Variants in NAA40 observed in about 807,000 individuals in gnomAD.
NAA40 encodes N-alpha-acetyltransferase 40, NatD catalytic subunit.
NAA40 carries 26 observed loss-of-function variants against 36.6 expected under a neutral mutation model. That is an observed-to-expected ratio of 0.71 (90% CI 0.52 to 0.98). The LOEUF is 0.98. Among genes scored for constraint, NAA40 ranks in the 50% least tolerant of loss-of-function variants. The pLI, the probability that NAA40 is intolerant of heterozygous loss-of-function variation, is 0.00. For missense variants in NAA40, 237 were observed against 306.5 expected (o/e 0.77, Z 1.69); for synonymous variants, 129 against 108.4 (o/e 1.19, Z -1.18).
At chr11:63,939,160 C>T in intron 1 of NAA40, 58 bp downstream of exon 1, 1 of 1,543,428 alleles carries the variant, frequency 6.5e-7, no homozygotes, top group African/African-American at 1.4e-5. Flanking sequence ...CTACCCTCGC[C>T]CCCTTTGTTC....
At chr11:63,953,333 C>T (rs1466960821) in intron 6 of NAA40, among the ~76,000 whole-genome samples, 1 of 152,160 alleles carries the variant, frequency 6.6e-6, no homozygotes, top group Non-Finnish European at 1.5e-5. Flanking sequence ...GCATGAGCCA[C>T]CACACCTGGC....
chr11:63,940,918 C>T (rs1942098552), intron 1 of NAA40, among the ~76,000 whole-genome samples: 1 of 152,148 alleles, frequency 6.6e-6, no homozygotes, highest in African/African-American at 2.4e-5. Flanking sequence ...CTAAATGAAA[C>T]CTGTGTCCCT....
intron 4 of NAA40, 34 bp downstream of exon 4, chr11:63,952,367 TC>T (rs756257961): frequency 6.2e-7 from 1 of 1,613,222 alleles, no homozygotes; most frequent in Non-Finnish European, 8.5e-7. Context: ...GCCTAGTTCC[TC>T]TCGCAGCTTT....
chr11:63,941,819 G>A (rs1942113579), intron 1 of NAA40, among the ~76,000 whole-genome samples: 1 of 152,108 alleles, frequency 6.6e-6, no homozygotes. Context: ...CTCCCAAAGT[G>A]CTGGGGTTAT....
intron 2 of NAA40, chr11:63,946,205 A>T: frequency 2.4e-6 from 1 of 420,926 alleles, no homozygotes; most frequent in Non-Finnish European, 4.3e-6. Flanking sequence ...GATCTAGATA[A>T]TTTTTTTTTC....
chr11:63,954,212 C>T, intron 7 of NAA40, 126 bp from the exon 8 acceptor site: 1 of 1,397,486 alleles, frequency 7.2e-7, no homozygotes. Context: ...TGATTTGGTC[C>T]ACTGTCCACC....
intron 3 of NAA40, among the ~76,000 whole-genome samples, chr11:63,948,501 G>A (rs375404112): frequency 2.8e-4 from 42 of 151,004 alleles, no homozygotes; most frequent in East Asian, 2.4e-3. Context: ...GGCGGATCAC[G>A]AGGTCAGGAG....
chr11:63,953,302 C>T (rs1248365946), intron 6 of NAA40, among the ~76,000 whole-genome samples: 2 of 152,188 alleles, frequency 1.3e-5, no homozygotes, highest in Non-Finnish European at 2.9e-5. Flanking sequence ...ACCTCAGCCT[C>T]CCAAAGTGCT....
At chr11:63,954,143 C>T in intron 7 of NAA40, 94 bp downstream of exon 7, 4 of 1,437,636 alleles carry the variant, frequency 2.8e-6, no homozygotes, top group Non-Finnish European at 2.9e-6. Context: ...GATGCCTGAG[C>T]TCATGGTCCA....
intron 3 of NAA40, among the ~76,000 whole-genome samples, chr11:63,947,422 C>A (rs1942205904): frequency 6.6e-6 from 1 of 151,874 alleles, no homozygotes; most frequent in Admixed American, 6.6e-5. Context: ...CAAAACAAAA[C>A]AAAACAAAAC....
Position 63,957,212 on chromosome 11 carries a change from A to ATATATATATATTTTTTTT in NAA40, c.*2734_*2735insATATATATATTTTTTTTT, listed in dbSNP as rs1278673521. The stretch of plus-strand genomic sequence containing the variant: ...CCTTGATATATATATATATATATAT[A>ATATATATATATTTTTTTT]TTTTTTTTTTTCTTTAGCAGCTTGT... On this transcript the variant is annotated 3_prime_UTR_variant, in exon 8 of 8. Transcript: ENST00000377793. 1.6e-5 allele frequency: 1 copy of ATATATATATATTTTTTTT among 64,300 alleles called. No individual in the cohort carries two copies. Among genetic ancestry groups the ATATATATATATTTTTTTT allele is most frequent in the African/African-American group, 4.2e-5 (1 of 23,942 alleles). 4.0% of individuals were successfully genotyped at this position (64,300 alleles called of 1,614,324 possible). A position where few individuals can be genotyped will look rare whatever the true frequency, so the allele number is the denominator to read the frequency against.
At position 63,952,473 on chromosome 11, in the gene NAA40, C is replaced by CT; in HGVS notation, c.319dup (p.Trp107LeufsTer21). On this transcript the variant is annotated frameshift_variant, in exon 5 of 8. Transcript: ENST00000377793. LOFTEE classifies it high-confidence loss of function. ...GGGAGGAAATGACAGATGACCGAGCCTGGTACCTCATCGCGTGGGAAAACA... is the reference window on the plus strand; with the variant it reads ...GGGAGGAAATGACAGATGACCGAGCCTTGGTACCTCATCGCGTGGGAAAACA... The CT allele has an allele frequency of 6.2e-7, 1 of 1,614,200 alleles. No individual in the cohort carries two copies.
At chr11:63,939,877 C>G (rs1443427321) in intron 1 of NAA40, among the ~76,000 whole-genome samples, 1 of 152,070 alleles carries the variant, frequency 6.6e-6, no homozygotes, top group Non-Finnish European at 1.5e-5. Context: ...CCACTTGTTC[C>G]GTGCCGGCAG....
chr11:63,945,281 G>A lies in NAA40; in HGVS notation c.7-559G>A, dbSNP rs553746674. 8.1e-4 allele frequency among the ~76,000 whole-genome samples: 124 copies of A among 152,306 alleles called. 1 individual carries two copies. In the South Asian group the frequency reaches 0.022, roughly 27 times the overall value. On this transcript the variant is annotated intron_variant, in intron 1 of 7. Coordinates refer to ENST00000377793, the MANE Select transcript of NAA40 (RefSeq NM_024771.4). Reference sequence around the variant, plus strand: ...GGCCTTAACTGAGCAGGGCTTCTGGGAATGGCTCTGTGTCCTTGAGTCCGA... The same window carrying A: ...GGCCTTAACTGAGCAGGGCTTCTGGAAATGGCTCTGTGTCCTTGAGTCCGA...
intron 1 of NAA40, among the ~76,000 whole-genome samples, chr11:63,944,658 T>C (rs1441590777): frequency 6.6e-6 from 1 of 152,076 alleles, no homozygotes; most frequent in East Asian, 1.9e-4. Flanking sequence ...ATCCCAGCAC[T>C]TTGTGAGGCT....
intron 3 of NAA40, among the ~76,000 whole-genome samples, chr11:63,947,438 C>T (rs955182597): frequency 2.0e-5 from 3 of 149,744 alleles, no homozygotes; most frequent in African/African-American, 7.6e-5. Flanking sequence ...AAAACAAAAG[C>T]AGAAACTGAC....
chr11:63,957,212 A>ATATATATATAT lies in NAA40; in HGVS notation c.*2734_*2735insATATATATATT, dbSNP rs1278673521. ...CCTTGATATATATATATATATATAT[A>ATATATATATAT]TTTTTTTTTTTCTTTAGCAGCTTGT... On this transcript the variant is annotated 3_prime_UTR_variant, in exon 8 of 8. Coordinates refer to ENST00000377793, the MANE Select transcript of NAA40 (RefSeq NM_024771.4). 4 of 64,296 alleles carry ATATATATATAT rather than the reference A, an allele frequency of 6.2e-5. No individual in the cohort carries two copies. The highest frequency in any genetic ancestry group is 1.7e-4 in the African/African-American group (4 of 23,938). 4.0% of individuals were successfully genotyped at this position (64,296 alleles called of 1,614,324 possible).
At chr11:63,947,529 A>T (rs1466913700) in intron 3 of NAA40, among the ~76,000 whole-genome samples, 2 of 152,192 alleles carry the variant, frequency 1.3e-5, no homozygotes, top group Non-Finnish European at 2.9e-5. Context: ...ACTTAATCTC[A>T]GACTGATGTC....
In NAA40 at chr11:63,955,400, C is replaced by T. The variant is rs1384035291; in HGVS notation, c.*921C>T. 6.5e-6 allele frequency: 1 copy of T among 152,730 alleles called. No homozygotes were observed. The highest frequency in any genetic ancestry group is 2.1e-4 in the South Asian group (1 of 4,836). 9.5% of individuals were successfully genotyped at this position (152,730 alleles called of 1,614,324 possible). ...AGGGGAGAATAACATCAGGGAGCCC[C>T]TCATCTTCCCCAGAAGGACTTCTCG... On this transcript the variant is annotated 3_prime_UTR_variant, in exon 8 of 8. Transcript: ENST00000377793.
Sources: gnomAD v4.1 joint callset for allele counts (sites outside exome capture counted in the v4.1 genomes callset) on GRCh38, gnomAD v4.1.1 for gene constraint, MANE v1.5 for transcripts, NCBI Gene and HGNC (gene_info 2026-07-23, HGNC 2026-07-21) for gene names.